The following CDKL1 variants were observed in gnomAD, a reference collection of about 807,000 sequenced individuals.
CDKL1 encodes cyclin dependent kinase like 1.
A neutral mutation model predicts 42.0 loss-of-function variants in CDKL1; 41 were observed. The ratio of observed to expected loss-of-function variants is 0.98; its 90% CI spans 0.76 to 1.27. The LOEUF (loss-of-function observed/expected upper bound fraction) is 1.27, where lower values mean the gene tolerates loss of function less well. Ranked by LOEUF, CDKL1 falls within the 50% of genes most tolerant of loss-of-function variation. The pLI is 0.00. For synonymous variants in CDKL1, 153 were observed against 158.6 expected, an observed-to-expected ratio of 0.96 and a Z score of 0.26; for missense variants, 394 against 428.4, an observed-to-expected ratio of 0.92 and a Z score of 0.71.
intron 2 of CDKL1, among the ~76,000 whole-genome samples, chr14:50,374,787 T>C (rs2034684064): frequency 6.6e-6 from 1 of 152,208 alleles, no homozygotes; most frequent in Admixed American, 6.5e-5. Flanking sequence ...AACCACATCC[T>C]AGTAGCAATA....
intron 8 of CDKL1, 54 bp from the exon 9 acceptor site, chr14:50,332,486 T>C (rs1018136356): frequency 5.2e-6 from 8 of 1,548,522 alleles, no homozygotes; most frequent in Non-Finnish European, 6.9e-6. Context: ...TATTAACTTA[T>C]TAATGTCATT....
chr14:50,372,225 C>A (rs1252608813), intron 2 of CDKL1, among the ~76,000 whole-genome samples: 4 of 152,202 alleles, frequency 2.6e-5, no homozygotes, highest in Non-Finnish European at 5.9e-5. Flanking sequence ...TCAAACAATT[C>A]TTGTGCCTCA....
intron 2 of CDKL1, among the ~76,000 whole-genome samples, chr14:50,367,641 A>C (rs936834214): frequency 1.3e-4 from 20 of 152,240 alleles, no homozygotes; most frequent in African/African-American, 4.3e-4. Context: ...AGTAAACTTA[A>C]TAGACAGAAC....
rs368148650 is a variant in CDKL1 at position 50,391,795 on chromosome 14, A to G, written c.168+3906T>C. Among the ~76,000 whole-genome samples, 25 of 152,202 alleles carry G rather than the reference A, an allele frequency of 1.6e-4. No individual in the cohort carries two copies. In the East Asian group the frequency reaches 4.4e-3, roughly 27 times the overall value. ...TCCTCCAACATCAAGTTTTTTCTCT[A>G]CTGGATTTATTTACACCATTAGCAT... On this transcript the variant is annotated intron_variant, in intron 2 of 9. Coordinates refer to ENST00000395834, the MANE Select transcript of CDKL1 (RefSeq NM_004196.7).
chr14:50,362,886 C>T (rs1236238986), intron 2 of CDKL1: 2 of 418,350 alleles, frequency 4.8e-6, no homozygotes, highest in Non-Finnish European at 1.0e-5. Context: ...CAGTGGCAAC[C>T]TACCCTGGGC....
chr14:50,396,703 C>T, intron 1 of CDKL1, 121 bp downstream of exon 1: 1 of 157,528 alleles, frequency 6.3e-6, no homozygotes, highest in East Asian at 1.9e-4. Flanking sequence ...CGCCCCACGC[C>T]CCCGGGACTG....
At chr14:50,335,943 GT>G (rs2033246414) in intron 7 of CDKL1, 1 of 1,336,872 alleles carries the variant, frequency 7.5e-7, no homozygotes, top group Admixed American at 2.2e-5. Flanking sequence ...CCTAAAGTAG[GT>G]TTGTATTAGC....
At chr14:50,335,151 C>A (rs1195100813) in intron 7 of CDKL1, among the ~76,000 whole-genome samples, 2 of 151,434 alleles carry the variant, frequency 1.3e-5, no homozygotes, top group Admixed American at 1.3e-4. Flanking sequence ...AAAAAACTAG[C>A]TGGGGGTGGT....
intron 2 of CDKL1, among the ~76,000 whole-genome samples, chr14:50,382,001 A>AT (rs1415301538): frequency 1.3e-5 from 2 of 152,214 alleles, no homozygotes; most frequent in African/African-American, 2.4e-5. Flanking sequence ...GAGTTCAAAG[A>AT]TTTTCAACCA....
At chr14:50,343,138 A>C in intron 4 of CDKL1, 5 of 793,846 alleles carry the variant, frequency 6.3e-6, no homozygotes, top group Non-Finnish European at 8.5e-6. Context: ...ACAAATCAAC[A>C]ACCTAATTAA....
chr14:50,333,417 A>G (rs1400231792), intron 8 of CDKL1: 1 of 152,244 alleles, frequency 6.6e-6, no homozygotes, highest in East Asian at 1.9e-4. Flanking sequence ...CACCAGCACC[A>G]TGACAGTCTA....
At chr14:50,376,424 G>C (rs1303919390) in intron 2 of CDKL1, 1 of 469,220 alleles carries the variant, frequency 2.1e-6, no homozygotes, top group East Asian at 6.9e-5. Context: ...CACTTCCTGT[G>C]GAGGCAAAAA....
At chr14:50,338,448 G>A (rs569441696) in intron 7 of CDKL1, among the ~76,000 whole-genome samples, 2 of 152,198 alleles carry the variant, frequency 1.3e-5, no homozygotes, top group Non-Finnish European at 1.5e-5. Flanking sequence ...GGCTGGTCTG[G>A]AACTCCTGAC....
intron 2 of CDKL1, among the ~76,000 whole-genome samples, chr14:50,377,324 G>T (rs1371473126): frequency 6.6e-6 from 1 of 152,132 alleles, no homozygotes; most frequent in African/African-American, 2.4e-5. Flanking sequence ...GGGGGACAGG[G>T]TGCTTCAGTG....
At chr14:50,350,610 A>G (rs907391655) in intron 3 of CDKL1, among the ~76,000 whole-genome samples, 1 of 152,168 alleles carries the variant, frequency 6.6e-6, no homozygotes, top group African/African-American at 2.4e-5. Context: ...ACAGGATCCA[A>G]CTTGGGCCTT....
intron 3 of CDKL1, among the ~76,000 whole-genome samples, chr14:50,353,971 T>G (rs1384715352): frequency 6.6e-6 from 1 of 151,588 alleles, no homozygotes; most frequent in Non-Finnish European, 1.5e-5. Context: ...TTTTTTTTTT[T>G]GAGATGGAGT....
intron 2 of CDKL1, among the ~76,000 whole-genome samples, chr14:50,376,669 T>A (rs149783973): frequency 1.3e-5 from 2 of 152,166 alleles, no homozygotes; most frequent in African/African-American, 4.8e-5. Flanking sequence ...AAATAGGAAG[T>A]ACATGAAAAA....
chr14:50,395,602 G>A, intron 2 of CDKL1, 99 bp downstream of exon 2: 1 of 784,524 alleles, frequency 1.3e-6, no homozygotes, highest in Non-Finnish European at 2.0e-6. Flanking sequence ...AGGAGTTCCA[G>A]GCTGCTGTGA....
chr14:50,364,459 ACT>A (rs1248050422), intron 2 of CDKL1, among the ~76,000 whole-genome samples: 2 of 152,244 alleles, frequency 1.3e-5, no homozygotes, highest in African/African-American at 4.8e-5. Flanking sequence ...ACAGAGCAAA[ACT>A]CTGTCTCTAA....
Sources: gnomAD v4.1 joint callset for allele counts (sites outside exome capture counted in the v4.1 genomes callset) on GRCh38, gnomAD v4.1.1 for gene constraint, MANE v1.5 for transcripts, NCBI Gene and HGNC (gene_info 2026-07-23, HGNC 2026-07-21) for gene names.